Variants in BTBD9 observed in about 807,000 individuals in gnomAD.
BTBD9 encodes BTB/POZ domain-containing protein 9.
A neutral mutation model predicts 64.3 loss-of-function variants in BTBD9; 49 were observed. The ratio of observed to expected loss-of-function variants is 0.76; its 90% CI spans 0.61 to 0.97. The LOEUF (loss-of-function observed/expected upper bound fraction) is 0.97, where lower values mean the gene tolerates loss of function less well. BTBD9 is among the 50% of genes least tolerant of loss of function. BTBD9 has a pLI of 0.00. For synonymous variants in BTBD9, 260 were observed against 274.7 expected, an observed-to-expected ratio of 0.95 and a Z score of 0.53; for missense variants, 598 against 762.1, an observed-to-expected ratio of 0.78 and a Z score of 2.53.
intron 6 of BTBD9, among the ~76,000 whole-genome samples, chr6:38,490,477 G>A (rs200440175): frequency 6.6e-6 from 1 of 151,988 alleles, no homozygotes; most frequent in East Asian, 1.9e-4. Context: ...TGCACCACCA[G>A]GCCTGGCTAA....
intron 1 of BTBD9, among the ~76,000 whole-genome samples, chr6:38,616,996 G>A (rs1020060257): frequency 1.1e-4 from 16 of 152,038 alleles, no homozygotes; most frequent in Admixed American, 2.0e-4. Flanking sequence ...GAGTACTATC[G>A]GACCCCTTTC....
intron 7 of BTBD9, among the ~76,000 whole-genome samples, chr6:38,333,777 T>A (rs1313996543): frequency 6.6e-6 from 1 of 152,206 alleles, no homozygotes; most frequent in Non-Finnish European, 1.5e-5. Flanking sequence ...CTCAGTTATG[T>A]CTTTATAGCA....
chr6:38,534,042 A>G (rs975382200), intron 6 of BTBD9, among the ~76,000 whole-genome samples: 2 of 152,104 alleles, frequency 1.3e-5, no homozygotes, highest in African/African-American at 4.8e-5. Context: ...GCAGAAATAA[A>G]TGAAACTGAA....
At chr6:38,634,331 G>C (rs1778460007) in intron 1 of BTBD9, among the ~76,000 whole-genome samples, 1 of 152,000 alleles carries the variant, frequency 6.6e-6, no homozygotes. Flanking sequence ...AAAGAATATT[G>C]GCAAGCAAAG....
intron 6 of BTBD9, among the ~76,000 whole-genome samples, chr6:38,385,496 G>A (rs1428975798): frequency 2.6e-5 from 4 of 151,732 alleles, no homozygotes; most frequent in Non-Finnish European, 5.9e-5. Flanking sequence ...GGCCCTTTAT[G>A]TACTTTTGAT....
At chr6:38,213,822 A>G (rs1045571587) in intron 9 of BTBD9, among the ~76,000 whole-genome samples, 11 of 151,934 alleles carry the variant, frequency 7.2e-5, no homozygotes, top group Non-Finnish European at 5.9e-5. Flanking sequence ...TCTACTAAAA[A>G]TACAAAAAAA....
chr6:38,638,740 A>C (rs1393259626), intron 1 of BTBD9, among the ~76,000 whole-genome samples: 1 of 152,236 alleles, frequency 6.6e-6, no homozygotes, highest in African/African-American at 2.4e-5. Context: ...TCTTACACAA[A>C]ACATTAGATT....
chr6:38,536,509 A>G (rs13214868), intron 6 of BTBD9, among the ~76,000 whole-genome samples: 28,295 of 152,146 alleles, frequency 0.19, 2,679 homozygotes, highest in East Asian at 0.27. Flanking sequence ...TCAGTATATC[A>G]GAGAGTTATC....
chr6:38,171,181 T>C lies in BTBD9; in HGVS notation c.*3804A>G, dbSNP rs72853662. On this transcript the variant is annotated 3_prime_UTR_variant, in exon 11 of 11. Coordinates refer to ENST00000481247, the MANE Select transcript of BTBD9 (RefSeq NM_001099272.2). ...CTCTGGAAAGGATAAGTGATTACAA[T>C]TTTGTTATCTTCTAAATTAAAAAGA... The C allele has an allele frequency of 0.083, 12,669 of 152,242 alleles. 539 individuals are homozygous for C. Among genetic ancestry groups the C allele is most frequent in the Middle Eastern group, 0.11 (33 of 294 alleles). The allele number at this position is 152,242 out of a possible 1,614,324, so 9.4% of individuals were successfully genotyped here.
intron 6 of BTBD9, among the ~76,000 whole-genome samples, chr6:38,504,187 G>A (rs1054029076): frequency 1.3e-5 from 2 of 152,100 alleles, no homozygotes; most frequent in African/African-American, 2.4e-5. Flanking sequence ...TCTTCTCTGG[G>A]CACAAACCCA....
At chr6:38,519,455 T>C (rs773602945) in intron 6 of BTBD9, among the ~76,000 whole-genome samples, 3 of 152,230 alleles carry the variant, frequency 2.0e-5, no homozygotes, top group Non-Finnish European at 2.9e-5. Flanking sequence ...GACAGGCTGA[T>C]AGATATGTGA....
rs577202520 is a variant in BTBD9, at chr6:38,181,471, C to T, written c.1642-6289G>A. 4.6e-5 allele frequency among the ~76,000 whole-genome samples: 7 copies of T among 152,344 alleles called. No homozygotes were observed. In the South Asian group the frequency reaches 1.0e-3, roughly 23 times the overall value. Reference sequence around the variant, plus strand: ...CCTTTCACAGTGGCTGATGTGGTGGCATCACACACCCACCCAGCGTTCAGT... The same window carrying T: ...CCTTTCACAGTGGCTGATGTGGTGGTATCACACACCCACCCAGCGTTCAGT... On this transcript the variant is annotated intron_variant, in intron 10 of 10. Coordinates refer to ENST00000481247, the MANE Select transcript of BTBD9 (RefSeq NM_001099272.2).
chr6:38,347,675 C>T (rs1426329238), intron 6 of BTBD9, among the ~76,000 whole-genome samples: 2 of 152,178 alleles, frequency 1.3e-5, no homozygotes, highest in Admixed American at 6.5e-5. Context: ...GGCCCAACAT[C>T]AATGACTGGT....
chr6:38,303,932 CGT>C (rs368230606), intron 7 of BTBD9, among the ~76,000 whole-genome samples: 2,079 of 119,044 alleles, frequency 0.017, 23 homozygotes, highest in African/African-American at 0.03. Context: ...TATATATACA[CGT>C]GTGTGTGTGT....
At chr6:38,263,701 G>A (rs893552518) in intron 8 of BTBD9, among the ~76,000 whole-genome samples, 14 of 152,284 alleles carry the variant, frequency 9.2e-5, no homozygotes, top group African/African-American at 3.4e-4. Flanking sequence ...TGCAGTCCAG[G>A]GAGGGCTACC....
In BTBD9 at chr6:38,592,598, G is replaced by C. The variant is rs1397896663; in HGVS notation, c.792C>G (p.Asp264Glu). 2.5e-6 allele frequency: 4 copies of C among 1,613,942 alleles called. No homozygotes were observed. In the African/African-American group the frequency reaches 4.0e-5, roughly 16 times the overall value. ...TACTGAGCATGCCTCTATAATTGAGGTCCATATCCCGGCTCTCAGATCGCA... is the reference window on the plus strand; with the variant it reads ...TACTGAGCATGCCTCTATAATTGAGCTCCATATCCCGGCTCTCAGATCGCA... ...IKVRSESRDM[D>E]LNYRGMLIPE... The change falls in exon 4 of 11, where the codon GAC (aspartate) becomes GAG (glutamate). Residue 264 changes from aspartate (D) to glutamate (E), a missense_variant. Transcript: ENST00000481247.
At chr6:38,485,425 G>C (rs549957552) in intron 6 of BTBD9, among the ~76,000 whole-genome samples, 88 of 152,302 alleles carry the variant, frequency 5.8e-4, no homozygotes, top group African/African-American at 2.0e-3. Flanking sequence ...CTTACAAAAT[G>C]TATTTCGTAA....
At chr6:38,458,825 T>TC (rs1422162960) in intron 6 of BTBD9, among the ~76,000 whole-genome samples, 1 of 151,922 alleles carries the variant, frequency 6.6e-6, no homozygotes, top group Non-Finnish European at 1.5e-5. Flanking sequence ...TGATTCTGTT[T>TC]CCCCCCTCCT....
At chr6:38,239,707 A>T (rs1763927507) in intron 9 of BTBD9, among the ~76,000 whole-genome samples, 1 of 152,202 alleles carries the variant, frequency 6.6e-6, no homozygotes, top group Non-Finnish European at 1.5e-5. Context: ...AGCTTAGGAA[A>T]CAACTTGCTA....
Sources: gnomAD v4.1 joint callset for allele counts (sites outside exome capture counted in the v4.1 genomes callset) on GRCh38, gnomAD v4.1.1 for gene constraint, MANE v1.5 for transcripts, NCBI Gene and HGNC (gene_info 2026-07-23, HGNC 2026-07-21) for gene names.